Variants in PAPPA2 observed in about 807,000 individuals in gnomAD.
The protein encoded by PAPPA2 is pappalysin 2, also known as pappalysin-2.
A neutral mutation model predicts 176.4 loss-of-function variants in PAPPA2; 86 were observed. That is an observed-to-expected ratio of 0.49 (90% CI 0.41 to 0.58). PAPPA2 has a LOEUF of 0.58. Among genes scored for constraint, PAPPA2 ranks in the 20% least tolerant of loss-of-function variants. The pLI, the probability that PAPPA2 is intolerant of heterozygous loss-of-function variation, is 0.00. For missense variants in PAPPA2, 2,073 were observed against 2,256.9 expected, an observed-to-expected ratio of 0.92 and a Z score of 1.65; for synonymous variants, 809 against 852.2, an observed-to-expected ratio of 0.95 and a Z score of 0.88.
At chr1:176,783,810 A>G (rs1264629202) in intron 17 of PAPPA2, among the ~76,000 whole-genome samples, 1 of 152,218 alleles carries the variant, frequency 6.6e-6, no homozygotes, top group African/African-American at 2.4e-5. Context: ...TACTAGCATG[A>G]GAAGGTAGCA....
chr1:176,729,045 GT>G (rs915980458), intron 12 of PAPPA2, among the ~76,000 whole-genome samples: 8 of 151,792 alleles, frequency 5.3e-5, no homozygotes, highest in South Asian at 4.2e-4. Flanking sequence ...AAGCATTTAG[GT>G]TTTTTTCTCT....
intron 20 of PAPPA2, among the ~76,000 whole-genome samples, chr1:176,795,683 C>T (rs1223086426): frequency 6.6e-6 from 1 of 151,994 alleles, no homozygotes; most frequent in Non-Finnish European, 1.5e-5. Context: ...ATCTCATTTC[C>T]CCTATTATTT....
At chr1:176,654,971 G>A (rs1178405259) in intron 3 of PAPPA2, among the ~76,000 whole-genome samples, 3 of 151,808 alleles carry the variant, frequency 2.0e-5, no homozygotes, top group African/African-American at 7.2e-5. Context: ...AGTTTATGGT[G>A]AAATCTTCAG....
At chr1:176,786,093 G>A (rs540426832) in intron 17 of PAPPA2, among the ~76,000 whole-genome samples, 1 of 152,148 alleles carries the variant, frequency 6.6e-6, no homozygotes, top group Non-Finnish European at 1.5e-5. Flanking sequence ...AGAAAGAAGA[G>A]AGTCCCCGGA....
At chr1:176,763,975 G>C (rs1179498186) in intron 14 of PAPPA2, among the ~76,000 whole-genome samples, 1 of 152,176 alleles carries the variant, frequency 6.6e-6, no homozygotes, top group East Asian at 1.9e-4. Context: ...TGACGCTGGT[G>C]TATGCTCGGC....
At chr1:176,553,270 AG>A (rs1012887599) in intron 1 of PAPPA2, among the ~76,000 whole-genome samples, 2 of 24,914 alleles carry the variant, frequency 8.0e-5, no homozygotes, top group African/African-American at 3.2e-4. Context: ...GGAAGAGAGG[AG>A]GGGGGCTGAG....
chr1:176,514,667 T>TA (rs1648806178), intron 1 of PAPPA2, among the ~76,000 whole-genome samples: 1 of 152,188 alleles, frequency 6.6e-6, no homozygotes, highest in Non-Finnish European at 1.5e-5. Context: ...TTATACGACT[T>TA]AAAAAACGAG....
At chr1:176,575,782 G>A (rs240097) in intron 2 of PAPPA2, among the ~76,000 whole-genome samples, 97,981 of 152,054 alleles carry the variant, frequency 0.64, 32,090 homozygotes, top group East Asian at 0.93. Flanking sequence ...GAGCAGACTC[G>A]GATAAGTGGT....
intron 12 of PAPPA2, among the ~76,000 whole-genome samples, chr1:176,721,198 G>A (rs1213232637): frequency 6.6e-6 from 1 of 152,186 alleles, no homozygotes; most frequent in Non-Finnish European, 1.5e-5. Context: ...TATTTTCTAA[G>A]TGGTTAGTCT....
Position 176,692,164 on chromosome 1 carries a change from G to C in PAPPA2, c.2470G>C (p.Ala824Pro). 6.2e-7 allele frequency: 1 copy of C among 1,613,970 alleles called. No homozygotes were observed. ...CTDNFTPNQV[A>P]RMHCYLDLVY... The stretch of plus-strand genomic sequence containing the variant: ...TGACAACTTCACTCCTAACCAAGTG[G>C]CCCGAATGCATTGCTATTTGGACCT... The change falls in exon 6 of 23, where the codon GCC becomes CCC. Residue 824 changes from alanine to proline, a missense_variant. Ala to Pro is a conservative substitution (Grantham distance 27). Coordinates refer to ENST00000367662, the MANE Select transcript of PAPPA2 (RefSeq NM_020318.3).
intron 17 of PAPPA2, among the ~76,000 whole-genome samples, chr1:176,778,648 G>A (rs1336774732): frequency 1.3e-5 from 2 of 152,082 alleles, no homozygotes; most frequent in South Asian, 2.1e-4. Flanking sequence ...GTGTCATAGC[G>A]GTGTGCCTAT....
chr1:176,764,131 T>C (rs982414835), intron 14 of PAPPA2, among the ~76,000 whole-genome samples: 2 of 152,154 alleles, frequency 1.3e-5, no homozygotes, highest in South Asian at 4.1e-4. Flanking sequence ...AGAACAGCAC[T>C]AAGCCATTCA....
rs1037094036 is a variant in PAPPA2 at position 176,576,233 on chromosome 1, T to C, written c.920-18291T>C. On this transcript the variant is annotated intron_variant, in intron 2 of 22. Coordinates refer to ENST00000367662, the MANE Select transcript of PAPPA2 (RefSeq NM_020318.3). ...TGCCCTTTTCCCCAGTGTTGCCAAA[T>C]CTAGAGACTGTTATTGTTCTTACTC... is the stretch of plus-strand genomic sequence containing the variant. Among the ~76,000 whole-genome samples, 10 of 152,192 alleles carry C rather than the reference T, an allele frequency of 6.6e-5. No individual in the cohort carries two copies. In the South Asian group the frequency reaches 1.9e-3, roughly 28 times the overall value.
intron 2 of PAPPA2, among the ~76,000 whole-genome samples, chr1:176,566,694 A>C (rs1196246468): frequency 6.6e-6 from 1 of 152,136 alleles, no homozygotes; most frequent in African/African-American, 2.4e-5. Context: ...ACATCCAACT[A>C]TTCTCTTGTC....
At chr1:176,664,295 AG>A (rs1326557105) in intron 3 of PAPPA2, among the ~76,000 whole-genome samples, 1 of 152,192 alleles carries the variant, frequency 6.6e-6, no homozygotes, top group Non-Finnish European at 1.5e-5. Flanking sequence ...CCTTTGTGGA[AG>A]TTCTAGAGGA....
At chr1:176,523,626 A>G (rs755376672) in intron 1 of PAPPA2, among the ~76,000 whole-genome samples, 8 of 152,236 alleles carry the variant, frequency 5.3e-5, no homozygotes, top group Non-Finnish European at 8.8e-5. Flanking sequence ...TTGGAAATTC[A>G]TTTATTCATT....
chr1:176,511,630 C>T (rs1219627310), intron 1 of PAPPA2, among the ~76,000 whole-genome samples: 1 of 152,144 alleles, frequency 6.6e-6, no homozygotes, highest in African/African-American at 2.4e-5. Context: ...TTAGCATTTG[C>T]ATCAGTAGAC....
intron 1 of PAPPA2, among the ~76,000 whole-genome samples, chr1:176,504,428 A>G (rs1490759143): frequency 1.3e-5 from 2 of 152,120 alleles, no homozygotes; most frequent in African/African-American, 4.8e-5. Flanking sequence ...TGTTATATAC[A>G]CTATTATGTT....
At chr1:176,480,889 T>TCCACCTTCCCACAGCAG (rs1652363077) in intron 1 of PAPPA2, among the ~76,000 whole-genome samples, 1 of 151,740 alleles carries the variant, frequency 6.6e-6, no homozygotes, top group African/African-American at 2.4e-5. Context: ...GCACATATTC[T>TCCACCTTCCCACAGCAG]CCACCTTCCC....
Sources: gnomAD v4.1 joint callset for allele counts (sites outside exome capture counted in the v4.1 genomes callset) on GRCh38, gnomAD v4.1.1 for gene constraint, MANE v1.5 for transcripts, NCBI Gene and HGNC (gene_info 2026-07-23, HGNC 2026-07-21) for gene names.